SEMA3A: variants seen among roughly 807,000 people sequenced by gnomAD.
The protein encoded by SEMA3A is semaphorin-3A.
In SEMA3A, 29 loss-of-function variants were observed where a neutral mutation model predicts 97.9. The ratio of observed to expected loss-of-function variants is 0.30; its 90% confidence interval spans 0.22 to 0.40. The LOEUF is 0.40. SEMA3A is among the 10% of genes least tolerant of loss of function. SEMA3A has a pLI of 1.00. For synonymous variants in SEMA3A, 321 were observed against 323.7 expected, an observed-to-expected ratio of 0.99 and a Z score of 0.09; for missense variants, 763 against 951.3, an observed-to-expected ratio of 0.80 and a Z score of 2.60.
intron 1 of SEMA3A, among the ~76,000 whole-genome samples, chr7:84,171,453 T>A (rs960513556): frequency 1.3e-5 from 2 of 152,104 alleles, no homozygotes; most frequent in Admixed American, 6.6e-5. Flanking sequence ...TACCTGTAAA[T>A]ATGTGGATTA....
intron 1 of SEMA3A, among the ~76,000 whole-genome samples, chr7:84,452,393 C>T (rs1298939277): frequency 6.6e-6 from 1 of 152,054 alleles, no homozygotes; most frequent in African/African-American, 2.4e-5. Flanking sequence ...GAGAATGAAT[C>T]CTATTGTTTG....
At chr7:84,421,993 C>T (rs1208659785) in intron 1 of SEMA3A, among the ~76,000 whole-genome samples, 1 of 152,028 alleles carries the variant, frequency 6.6e-6, no homozygotes, top group Non-Finnish European at 1.5e-5. Flanking sequence ...TTTGTTGTGT[C>T]TCTGCCAGGT....
At chr7:84,462,121 C>A (rs1238665947) in intron 1 of SEMA3A, among the ~76,000 whole-genome samples, 1 of 151,956 alleles carries the variant, frequency 6.6e-6, no homozygotes, top group Non-Finnish European at 1.5e-5. Flanking sequence ...ACAAGACTAC[C>A]ACCTTAACAT....
intron 1 of SEMA3A, among the ~76,000 whole-genome samples, chr7:84,463,499 T>C (rs543631567): frequency 1.8e-4 from 27 of 152,070 alleles, no homozygotes; most frequent in South Asian, 1.2e-3. Flanking sequence ...CCGCCCACCT[T>C]GGCCTCCCAA....
At chr7:83,986,747 C>T (rs1159067704) in intron 12 of SEMA3A, among the ~76,000 whole-genome samples, 1 of 152,052 alleles carries the variant, frequency 6.6e-6, no homozygotes, top group African/African-American at 2.4e-5. Flanking sequence ...AGCCCAGGTG[C>T]CTGGATTCAA....
chr7:84,097,603 G>A (rs983851636), intron 4 of SEMA3A, among the ~76,000 whole-genome samples: 1 of 151,984 alleles, frequency 6.6e-6, no homozygotes, highest in Non-Finnish European at 1.5e-5. Context: ...GGATAAAATG[G>A]CAGACTGGAA....
At chr7:84,351,919 T>C (rs908124909) in intron 2 of SEMA3A, among the ~76,000 whole-genome samples, 8 of 152,154 alleles carry the variant, frequency 5.3e-5, no homozygotes, top group Non-Finnish European at 1.0e-4. Flanking sequence ...ATATCTGCAT[T>C]CCCATGTTTA....
chr7:84,313,380 A>G (rs866800448), intron 2 of SEMA3A, among the ~76,000 whole-genome samples: 3,271 of 85,122 alleles, frequency 0.038, 302 homozygotes, highest in African/African-American at 0.12. Flanking sequence ...ATATATATAT[A>G]TATATATATA....
chr7:84,323,224 G>A (rs564652828), intron 2 of SEMA3A, among the ~76,000 whole-genome samples: 15 of 152,212 alleles, frequency 9.9e-5, no homozygotes, highest in South Asian at 8.3e-4. Flanking sequence ...CTAATTGTGC[G>A]TTTTGTTCTA....
At chr7:84,227,174 A>G (rs1305133200) in intron 3 of SEMA3A, among the ~76,000 whole-genome samples, 1 of 151,656 alleles carries the variant, frequency 6.6e-6, no homozygotes, top group Non-Finnish European at 1.5e-5. Flanking sequence ...ATGTATCTAT[A>G]TATCTATATC....
intron 3 of SEMA3A, among the ~76,000 whole-genome samples, chr7:84,262,737 G>C (rs1469548753): frequency 6.6e-6 from 1 of 152,138 alleles, no homozygotes; most frequent in Admixed American, 6.5e-5. Context: ...ACTTAAACTA[G>C]TTTTTATTAA....
chr7:84,362,915 T>C (rs1400994272), intron 2 of SEMA3A, among the ~76,000 whole-genome samples: 1 of 152,004 alleles, frequency 6.6e-6, no homozygotes, highest in African/African-American at 2.4e-5. Flanking sequence ...AAAGCAGTGC[T>C]CATTCATTGA....
At chr7:84,441,632 G>A (rs1805276509) in intron 1 of SEMA3A, among the ~76,000 whole-genome samples, 1 of 151,936 alleles carries the variant, frequency 6.6e-6, no homozygotes. Context: ...AGAAAAGATG[G>A]CAAAAACTTC....
At position 84,449,792 on chromosome 7, in the gene SEMA3A, T is replaced by C. The variant is rs543094227; in HGVS notation, c.-246+42668A>G. Among the ~76,000 whole-genome samples, 6 of 152,310 alleles carry C rather than the reference T, an allele frequency of 3.9e-5. No individual in the cohort carries two copies. The South Asian group carries it at 1.2e-3, about 32-fold the overall frequency. ...CATTCCACTGTCTGCTTCTGTGAGT[T>C]TGACTATTTTAGACATCTCATGTTA... On this transcript the variant is annotated intron_variant, in intron 1 of 3. Coordinates refer to the SEMA3A transcript ENST00000424555.
intron 2 of SEMA3A, among the ~76,000 whole-genome samples, chr7:84,362,151 C>G (rs1271467060): frequency 6.6e-6 from 1 of 151,914 alleles, no homozygotes; most frequent in Non-Finnish European, 1.5e-5. Flanking sequence ...TGGCTCACAA[C>G]TGTTGTAAAC....
chr7:84,036,523 T>A (rs1025572484), intron 6 of SEMA3A, among the ~76,000 whole-genome samples: 1 of 152,104 alleles, frequency 6.6e-6, no homozygotes, highest in African/African-American at 2.4e-5. Flanking sequence ...ACATTCTGTG[T>A]AACTGGGGTG....
At position 84,326,888 on chromosome 7, in the gene SEMA3A, TATC is replaced by T. The variant is rs374020187; in HGVS notation, c.-168-19599_-168-19597del. On this transcript the variant is annotated intron_variant, in intron 2 of 3. Coordinates refer to the SEMA3A transcript ENST00000424555. The stretch of plus-strand genomic sequence containing the variant: ...AAATCCTGGAAGACAACCTAGGCAA[TATC>T]ATCATGAACATAGGCATGAGCAAAG... 6.0e-4 allele frequency among the ~76,000 whole-genome samples: 91 copies of T among 152,022 alleles called. 1 individual carries two copies. The East Asian group carries it at 9.5e-3, about 16-fold the overall frequency.
intron 2 of SEMA3A, among the ~76,000 whole-genome samples, chr7:84,356,846 G>T (rs1802572670): frequency 1.3e-5 from 2 of 151,492 alleles, no homozygotes; most frequent in African/African-American, 4.8e-5. Context: ...TATGAATCGT[G>T]GTTTAAAAAT....
chr7:84,055,295 C>T (rs1792910734), intron 5 of SEMA3A, among the ~76,000 whole-genome samples: 1 of 151,942 alleles, frequency 6.6e-6, no homozygotes, highest in African/African-American at 2.4e-5. Context: ...GGGCGCCCCT[C>T]CCCCCGCCTC....
Sources: allele counts gnomAD v4.1 joint callset (sites outside exome capture counted in the v4.1 genomes callset), GRCh38; gene constraint gnomAD v4.1.1; transcripts MANE v1.5; gene names NCBI Gene and HGNC (gene_info 2026-07-23, HGNC 2026-07-21).